The following FAM83E variants were observed in gnomAD, a reference collection of about 807,000 sequenced individuals.
The protein encoded by FAM83E is scaffolding CK1 anchoring protein E, also known as protein FAM83E.
Under a neutral mutation model 34.3 loss-of-function variants are expected in FAM83E, and 29 were observed. The ratio of observed to expected loss-of-function variants is 0.85; its 90% confidence interval spans 0.63 to 1.15. The LOEUF (loss-of-function observed/expected upper bound fraction) is 1.15, where lower values mean the gene tolerates loss of function less well. Ranked by LOEUF, FAM83E falls within the 50% of genes most tolerant of loss-of-function variation. The pLI, the probability that FAM83E is intolerant of heterozygous loss-of-function variation, is 0.00. For missense variants in FAM83E, 697 were observed against 685.0 expected (o/e 1.02, Z -0.20); for synonymous variants, 312 against 311.6 (o/e 1.00, Z -0.01).
chr19:48,612,877 T>G (rs2617800), intron 3 of FAM83E, 31 bp downstream of exon 3: 1,433,476 of 1,500,062 alleles, frequency 0.96, 685,273 homozygotes, highest in East Asian at 1. Context: ...CCCAGTCTGG[T>G]GAATGGACAC....
Position 48,608,237 on chromosome 19 carries a change from G to C in FAM83E, c.758+1639C>G, listed in dbSNP as rs1046929181. 1.3e-4 allele frequency among the ~76,000 whole-genome samples: 20 copies of C among 151,878 alleles called. No homozygotes were observed. In the East Asian group the frequency reaches 3.9e-3, roughly 30 times the overall value. ...CAATCCTCCCACCTCAGCCTCCTGA[G>C]TAGCTGGGACTAGAAGCATGCTCCA... On this transcript the variant is annotated intron_variant, in intron 5 of 6. Transcript: ENST00000263266.
At chr19:48,609,648 A>G (rs564731399) in intron 5 of FAM83E, among the ~76,000 whole-genome samples, 34 of 152,236 alleles carry the variant, frequency 2.2e-4, no homozygotes, top group African/African-American at 7.0e-4. Flanking sequence ...TTTTCCAGAT[A>G]AGAAAACACC....
In FAM83E at chr19:48,600,409, C is replaced by T. The variant is rs1973790609; in HGVS notation, c.*700G>A. Among the ~76,000 whole-genome samples, 1 of 152,312 alleles carries T rather than the reference C, an allele frequency of 6.6e-6. No homozygotes were observed. Among genetic ancestry groups the T allele is most frequent in the East Asian group, 1.9e-4 (1 of 5,180 alleles). ...GGAGTGCAGTGGCGTGATCTCAGCTCACTGCAACCTCCGCCTCCCGGGTTC... is the reference window on the plus strand; with the variant it reads ...GGAGTGCAGTGGCGTGATCTCAGCTTACTGCAACCTCCGCCTCCCGGGTTC... On this transcript the variant is annotated 3_prime_UTR_variant, in exon 7 of 7. Transcript: ENST00000263266.
At chr19:48,612,825 C>G in intron 3 of FAM83E, 83 bp downstream of exon 3, 1 of 1,430,192 alleles carries the variant, frequency 7.0e-7, no homozygotes, top group East Asian at 2.5e-5. Flanking sequence ...TGTGCGCTTG[C>G]AAGTCCCAGG....
At position 48,614,739 on chromosome 19, in the gene FAM83E, C is replaced by T. The variant is rs987462958; in HGVS notation, c.-1287G>A. ...CGGCTAGTGCCGGGCTCAATGGCCT[C>T]CCTTCCAGTGCCTGCTTTTTCCGAG... On this transcript the variant is annotated 5_prime_UTR_variant, in exon 2 of 7. Transcript: ENST00000263266. 3.0e-6 allele frequency: 3 copies of T among 985,258 alleles called. No homozygotes were observed. The highest frequency in any genetic ancestry group is 3.6e-6 in the Non-Finnish European group (3 of 829,980). The allele number at this position is 985,258 out of a possible 1,614,324, so 61.0% of individuals were successfully genotyped here.
intron 5 of FAM83E, chr19:48,606,941 C>T (rs373402072): frequency 2.0e-5 from 32 of 1,589,954 alleles, no homozygotes; most frequent in South Asian, 7.7e-5. Flanking sequence ...GGGAAGCCCA[C>T]GGCCTGGCTG....
In FAM83E at chr19:48,610,783, G is replaced by C; in HGVS notation, c.530C>G (p.Ala177Gly). 6.3e-7 allele frequency: 1 copy of C among 1,590,344 alleles called. No individual in the cohort carries two copies. Among genetic ancestry groups the C allele is most frequent in the Non-Finnish European group, 8.6e-7 (1 of 1,168,534 alleles). ...GTAGACAGGTACCCAGCGGCGCGTG[G>C]CAGCATCCACCAAGTCCAAAAGCAG... The part of the protein sequence containing the change: ...PDLLLDLVDA[A>G]TRRWVPVYLL... Residue 177 changes from alanine (A) to glycine (G), a missense_variant, in exon 4 of 7, where the codon GCC becomes GGC. Transcript: ENST00000263266.
At position 48,610,010 on chromosome 19, in the gene FAM83E, T is replaced by TG; in HGVS notation, c.634-11dup. ...CACGGACATCCACGTTCTGTTGGTG[T>TG]GGGGAGTGGAGGGTACACCCTTGCT... On this transcript the variant is annotated splice_polypyrimidine_tract_variant and intron_variant, in intron 4 of 6. Transcript: ENST00000263266. 1 of 1,610,218 alleles carries TG rather than the reference T, an allele frequency of 6.2e-7. No homozygotes were observed. The highest frequency in any genetic ancestry group is 8.5e-7 in the Non-Finnish European group (1 of 1,179,842).
At chr19:48,603,469 T>G (rs1451212768) in intron 6 of FAM83E, 25 bp downstream of exon 6, 1 of 1,531,294 alleles carries the variant, frequency 6.5e-7, no homozygotes, top group Non-Finnish European at 8.7e-7. Flanking sequence ...GGCTCCATCT[T>G]CTGGCACCAG....
intron 6 of FAM83E, among the ~76,000 whole-genome samples, chr19:48,602,656 C>G (rs1478240734): frequency 8.4e-6 from 1 of 119,662 alleles, no homozygotes; most frequent in Non-Finnish European, 1.6e-5. Flanking sequence ...ATTCCTGATT[C>G]CCAAGGCATT....
intron 5 of FAM83E, chr19:48,606,974 C>G (rs755511523): frequency 6.2e-7 from 1 of 1,602,330 alleles, no homozygotes; most frequent in Non-Finnish European, 8.5e-7. Flanking sequence ...CGCCGCCAGG[C>G]CGCCATGGTC....
At chr19:48,610,395 T>C (rs1974018927) in intron 4 of FAM83E, among the ~76,000 whole-genome samples, 1 of 74,446 alleles carries the variant, frequency 1.3e-5, no homozygotes, top group Non-Finnish European at 2.4e-5. Flanking sequence ...CAACACTCCG[T>C]CTCAAAAAAA....
chr19:48,602,714 T>A (rs4002819), intron 6 of FAM83E, among the ~76,000 whole-genome samples: 1,109 of 10,518 alleles, frequency 0.11, 231 homozygotes, highest in East Asian at 0.32. Flanking sequence ...AATATATATA[T>A]ATATATATAT....
At chr19:48,611,371 T>G (rs1297541699) in intron 3 of FAM83E, among the ~76,000 whole-genome samples, 1 of 150,908 alleles carries the variant, frequency 6.6e-6, no homozygotes, top group African/African-American at 2.4e-5. Flanking sequence ...GCTTTCACCG[T>G]GTTAGCCAGG....
chr19:48,605,382 G>C (rs539692783), intron 5 of FAM83E, among the ~76,000 whole-genome samples: 2 of 152,220 alleles, frequency 1.3e-5, no homozygotes, highest in African/African-American at 4.8e-5. Context: ...AGACCAGCCT[G>C]GGCAACATAG....
chr19:48,610,757 G>A lies in FAM83E; in HGVS notation c.556C>T (p.Leu186=), dbSNP rs374805033. Reference sequence around the variant, plus strand: ...GGCAGCTGCTGGCGGTCCAGGAGCAGGTAGACAGGTACCCAGCGGCGCGTG... The same window carrying A: ...GGCAGCTGCTGGCGGTCCAGGAGCAAGTAGACAGGTACCCAGCGGCGCGTG... ...AATRRWVPVY[L]LLDRQQLPAF... The change falls in exon 4 of 7, where the codon CTG becomes TTG. Residue 186 remains leucine, a synonymous_variant. Coordinates refer to ENST00000263266, the MANE Select transcript of FAM83E (RefSeq NM_017708.4). 4.7e-5 allele frequency: 74 copies of A among 1,587,772 alleles called. No individual in the cohort carries two copies. In the African/African-American group the frequency reaches 9.1e-4, roughly 20 times the overall value.
At chr19:48,608,963 G>A (rs574621113) in intron 5 of FAM83E, among the ~76,000 whole-genome samples, 8 of 151,972 alleles carry the variant, frequency 5.3e-5, no homozygotes, top group East Asian at 2.0e-4. Flanking sequence ...TGAAGATGCC[G>A]AGGAGCCTCC....
chr19:48,613,269 A>C lies in FAM83E; in HGVS notation c.104T>G (p.Leu35Arg), dbSNP rs770321381. The C allele has an allele frequency of 2.5e-6, 4 of 1,609,614 alleles. No homozygotes were observed. The highest frequency in any genetic ancestry group is 2.5e-6 in the Non-Finnish European group (3 of 1,179,712). ...FLYSEGQRLA[L>R]EALLSKGAEA... ...CGCGCCCTTGCTCAACAGAGCCTCC[A>C]GTGCCAGCCGCTGGCCCTCGGAATA... Residue 35 changes from leucine (L) to arginine (R), a missense_variant, in exon 3 of 7, where the codon CTG becomes CGG. Physicochemically the swap from Leu to Arg is moderately radical, Grantham distance 102. Coordinates refer to ENST00000263266, the MANE Select transcript of FAM83E (RefSeq NM_017708.4).
Position 48,603,661 on chromosome 19 carries a change from C to T in FAM83E, c.1009G>A (p.Ala337Thr). ...PPDGPLAHRL[A>T]ACRVSPATPG... ...GTAGCAGGGGAGACGCGGCAGGCGGCCAGGCGGTGGGCCAGCGGGCCGTCA... is the reference window on the plus strand; with the variant it reads ...GTAGCAGGGGAGACGCGGCAGGCGGTCAGGCGGTGGGCCAGCGGGCCGTCA... Residue 337 changes from alanine to threonine, a missense_variant, in exon 6 of 7, where the codon GCC becomes ACC. Ala to Thr is a moderately conservative substitution (Grantham distance 58). Transcript: ENST00000263266. 2 of 1,310,014 alleles carry T rather than the reference C, an allele frequency of 1.5e-6. No homozygotes were observed. The allele number at this position is 1,310,014 out of a possible 1,614,324, so 81.1% of individuals were successfully genotyped here. A position where few individuals can be genotyped will look rare whatever the true frequency, so the allele number is the denominator to read the frequency against.
Sources: gnomAD v4.1 joint callset for allele counts (sites outside exome capture counted in the v4.1 genomes callset) on GRCh38, gnomAD v4.1.1 for gene constraint, MANE v1.5 for transcripts, NCBI Gene and HGNC (gene_info 2026-07-23, HGNC 2026-07-21) for gene names.